Variants in TM9SF3 observed in about 807,000 individuals in gnomAD.
TM9SF3 encodes SM-11044-binding protein.
In TM9SF3, 14 loss-of-function variants were observed where a neutral mutation model predicts 78.6. The observed-to-expected ratio is 0.18, with a 90% CI of 0.12 to 0.28. The LOEUF (loss-of-function observed/expected upper bound fraction) is 0.28. TM9SF3 is among the 10% of genes least tolerant of loss of function. The pLI is 1.00. For synonymous variants in TM9SF3, 231 were observed against 241.7 expected (o/e 0.96, Z 0.41); for missense variants, 496 against 721.9 (o/e 0.69, Z 3.59).
At chr10:96,552,730 GA>G (rs996998533) in intron 6 of TM9SF3, among the ~76,000 whole-genome samples, 197 bp downstream of exon 6, 16 of 151,904 alleles carry the variant, frequency 1.1e-4, no homozygotes, top group Middle Eastern at 3.4e-3. Context: ...ATGTTTTCCT[GA>G]AAAAAAATTA....
chr10:96,540,966 C>A (rs1412912611), intron 9 of TM9SF3, among the ~76,000 whole-genome samples: 1 of 151,538 alleles, frequency 6.6e-6, no homozygotes, highest in African/African-American at 2.4e-5. Flanking sequence ...TTAGTAGAGA[C>A]GGGGTTTCAC....
intron 3 of TM9SF3, among the ~76,000 whole-genome samples, chr10:96,563,465 C>G (rs757456875): frequency 6.6e-6 from 1 of 152,034 alleles, no homozygotes; most frequent in Non-Finnish European, 1.5e-5. Flanking sequence ...AACCTCCACC[C>G]GCTGGGTTCA....
intron 10 of TM9SF3, among the ~76,000 whole-genome samples, chr10:96,531,177 T>C (rs1048072887): frequency 2.6e-5 from 4 of 152,212 alleles, no homozygotes; most frequent in African/African-American, 9.6e-5. Context: ...TTACTGACTG[T>C]AATTGGTAAT....
chr10:96,565,391 A>C lies in TM9SF3; in HGVS notation c.334T>G (p.Leu112Val). 1.9e-6 allele frequency: 3 copies of C among 1,556,396 alleles called. No individual in the cohort carries two copies. The highest frequency in any genetic ancestry group is 2.6e-6 in the Non-Finnish European group (3 of 1,160,852). ...VMPATYCEID[L>V]DKEKRDAFVY... ...AATGCATCTCTCTTTTCTTTATCTA[A>C]ATCAATTTCACAGTAAGTGGCTGGC... Residue 112 changes from leucine (L) to valine (V), a missense_variant, in exon 3 of 15, where the codon TTA becomes GTA. Leu to Val is a conservative substitution (Grantham distance 32, BLOSUM62 1). Coordinates refer to ENST00000371142, the MANE Select transcript of TM9SF3 (RefSeq NM_020123.4).
intron 1 of TM9SF3, among the ~76,000 whole-genome samples, chr10:96,584,057 A>C (rs1028660262): frequency 6.6e-6 from 1 of 150,890 alleles, no homozygotes; most frequent in Non-Finnish European, 1.5e-5. Context: ...CAAAACAAAC[A>C]AAAAAAAACA....
At chr10:96,562,334 T>G (rs914738545) in intron 3 of TM9SF3, among the ~76,000 whole-genome samples, 196 bp from the exon 4 acceptor site, 1 of 151,624 alleles carries the variant, frequency 6.6e-6, no homozygotes, top group Non-Finnish European at 1.5e-5. Flanking sequence ...GCCAAGCAGA[T>G]GCCGCTATGC....
At chr10:96,524,975 G>A (rs1456997288) in intron 14 of TM9SF3, among the ~76,000 whole-genome samples, 1 of 151,940 alleles carries the variant, frequency 6.6e-6, no homozygotes, top group Non-Finnish European at 1.5e-5. Context: ...CAGGCAGCAA[G>A]ATGAAATTTC....
At chr10:96,548,957 T>TCTG (rs930588987) in intron 7 of TM9SF3, among the ~76,000 whole-genome samples, 22 of 152,096 alleles carry the variant, frequency 1.4e-4, no homozygotes, top group African/African-American at 4.3e-4. Flanking sequence ...CATTGAAAAA[T>TCTG]CTGCTGAGGG....
At chr10:96,572,763 G>A (rs372429071) in intron 2 of TM9SF3, among the ~76,000 whole-genome samples, 10 of 151,910 alleles carry the variant, frequency 6.6e-5, no homozygotes, top group African/African-American at 2.4e-4. Context: ...TGATCCACCC[G>A]CCTCAGCCTC....
Position 96,527,510 on chromosome 10 carries a change from G to A in TM9SF3, c.1542-14C>T, listed in dbSNP as rs748331603. 5 of 1,586,030 alleles carry A rather than the reference G, an allele frequency of 3.2e-6. No individual in the cohort carries two copies. The highest frequency in any genetic ancestry group is 8.6e-7 in the Non-Finnish European group (1 of 1,162,386). On this transcript the variant is annotated splice_polypyrimidine_tract_variant and intron_variant, in intron 12 of 14. Coordinates refer to ENST00000371142, the MANE Select transcript of TM9SF3 (RefSeq NM_020123.4). ...CTTGTCCATTGCCTGGTGGGGGGAGGGGGAAAGAAGATAAATCTCTTTTGA... is the reference window on the plus strand; with the variant it reads ...CTTGTCCATTGCCTGGTGGGGGGAGAGGGAAAGAAGATAAATCTCTTTTGA...
chr10:96,583,023 T>C (rs1020474757), intron 1 of TM9SF3, among the ~76,000 whole-genome samples: 1 of 145,546 alleles, frequency 6.9e-6, no homozygotes, highest in African/African-American at 2.6e-5. Flanking sequence ...GAAGTTGCAG[T>C]GAGCCGAGAT....
At chr10:96,560,869 A>G in intron 4 of TM9SF3, 1 of 535,900 alleles carries the variant, frequency 1.9e-6, no homozygotes, top group Non-Finnish European at 3.6e-6. Flanking sequence ...AAAAGGACCT[A>G]GTTCTGTAGA....
At chr10:96,560,578 C>T (rs1290313181) in intron 4 of TM9SF3, 12 of 678,410 alleles carry the variant, frequency 1.8e-5, no homozygotes, top group Non-Finnish European at 2.8e-5. Flanking sequence ...CAGGAGGAGG[C>T]GAAATTCTTA....
intron 4 of TM9SF3, among the ~76,000 whole-genome samples, chr10:96,561,591 T>C (rs929939163): frequency 2.6e-5 from 4 of 152,228 alleles, no homozygotes; most frequent in Non-Finnish European, 5.9e-5. Context: ...AAACTACATC[T>C]ATCCAGCAAC....
At chr10:96,537,176 C>T (rs1023042053) in intron 9 of TM9SF3, among the ~76,000 whole-genome samples, 3 of 152,208 alleles carry the variant, frequency 2.0e-5, no homozygotes, top group African/African-American at 7.2e-5. Flanking sequence ...GTCAACTGTA[C>T]TCTCATGTGC....
chr10:96,586,762 C>T lies in TM9SF3; in HGVS notation c.74G>A (p.Arg25Gln). 1 of 1,284,610 alleles carries T rather than the reference C, an allele frequency of 7.8e-7. No individual in the cohort carries two copies. Among genetic ancestry groups the T allele is most frequent in the South Asian group, 2.5e-5 (1 of 39,232 alleles). 79.6% of individuals were successfully genotyped at this position (1,284,610 alleles called of 1,614,324 possible). ...ALWLLLLLLP[R>Q]TRADEHEHTY... ...GTGTTCGTGCTCGTCCGCCCGGGTC[C>T]GGGGCAGCAGCAGCAGCAGCAGCCA... Residue 25 changes from arginine (R) to glutamine (Q), a missense_variant, in exon 1 of 15, where the codon CGG becomes CAG. Coordinates refer to ENST00000371142, the MANE Select transcript of TM9SF3 (RefSeq NM_020123.4).
chr10:96,559,023 A>G (rs920655358), intron 5 of TM9SF3, among the ~76,000 whole-genome samples: 4 of 152,206 alleles, frequency 2.6e-5, no homozygotes, highest in African/African-American at 9.6e-5. Context: ...GGCTTTATGA[A>G]CTAAAATTCA....
chr10:96,529,810 G>C (rs1402069088), intron 11 of TM9SF3, among the ~76,000 whole-genome samples: 1 of 152,128 alleles, frequency 6.6e-6, no homozygotes, highest in Non-Finnish European at 1.5e-5. Flanking sequence ...ACAATCAGCA[G>C]TGGGGCATCT....
Position 96,537,502 on chromosome 10 carries a change from A to G in TM9SF3, c.1186-4312T>C, listed in dbSNP as rs182218116. Among the ~76,000 whole-genome samples the G allele has an allele frequency of 3.3e-3, 509 of 152,372 alleles. 5 individuals are homozygous for G. Among genetic ancestry groups the G allele is most frequent in the Middle Eastern group, 0.017 (5 of 294 alleles). ...CAGAACATATCCCTGGCATTAAATG[A>G]TGCATGACTGTAACAGCAATAAACG... On this transcript the variant is annotated intron_variant, in intron 9 of 14. Coordinates refer to ENST00000371142, the MANE Select transcript of TM9SF3 (RefSeq NM_020123.4).
Sources: gnomAD v4.1 joint callset for allele counts (sites outside exome capture counted in the v4.1 genomes callset) on GRCh38, gnomAD v4.1.1 for gene constraint, MANE v1.5 for transcripts, NCBI Gene and HGNC (gene_info 2026-07-23, HGNC 2026-07-21) for gene names.